The following NRXN1 variants were observed in gnomAD, a reference collection of about 807,000 sequenced individuals.
NRXN1 encodes the protein neurexin-1.
NRXN1 carries 39 observed loss-of-function variants against 150.9 expected under a neutral mutation model. The ratio of observed to expected loss-of-function variants is 0.26; its 90% CI spans 0.20 to 0.34. The LOEUF (loss-of-function observed/expected upper bound fraction) is 0.34. Among genes scored for constraint, NRXN1 ranks in the 10% least tolerant of loss-of-function variants. The pLI is 1.00. For synonymous variants in NRXN1, 924 were observed against 757.0 expected, an observed-to-expected ratio of 1.22 and a Z score of -3.62; for missense variants, 1,815 against 1,949.9, an observed-to-expected ratio of 0.93 and a Z score of 1.30.
chr2:50,070,757 G>A (rs1360395652), intron 19 of NRXN1, among the ~76,000 whole-genome samples: 9 of 118,182 alleles, frequency 7.6e-5, no homozygotes, highest in South Asian at 2.7e-4. Context: ...GCGACAGAGC[G>A]AGACTCCGTC....
chr2:50,580,999 G>A (rs1672179031), intron 8 of NRXN1, among the ~76,000 whole-genome samples: 1 of 152,040 alleles, frequency 6.6e-6, no homozygotes, highest in Non-Finnish European at 1.5e-5. Context: ...TCCTTTAAAA[G>A]TATTAAAAAA....
At chr2:50,801,029 CTAATT>C (rs1256699629) in intron 5 of NRXN1, among the ~76,000 whole-genome samples, 4 of 152,080 alleles carry the variant, frequency 2.6e-5, no homozygotes, top group Non-Finnish European at 5.9e-5. Flanking sequence ...TTCTATTAAA[CTAATT>C]TAATTGCATA....
intron 13 of NRXN1, among the ~76,000 whole-genome samples, chr2:50,498,867 T>C (rs1313633900): frequency 1.3e-5 from 2 of 152,152 alleles, no homozygotes; most frequent in Non-Finnish European, 2.9e-5. Flanking sequence ...ACGTGCTAGC[T>C]TCCCTGCCCG....
chr2:50,162,045 T>A (rs1298511962), intron 18 of NRXN1, among the ~76,000 whole-genome samples: 1 of 152,166 alleles, frequency 6.6e-6, no homozygotes, highest in South Asian at 2.1e-4. Context: ...CCACTTGATA[T>A]GAAAATTACC....
At chr2:50,854,434 T>C (rs78645899) in intron 5 of NRXN1, among the ~76,000 whole-genome samples, 6,658 of 152,042 alleles carry the variant, frequency 0.044, 509 homozygotes, top group African/African-American at 0.15. Context: ...AGAAGCTGAG[T>C]GTATTCATCT....
At chr2:50,921,961 T>A (rs1686108518) in intron 4 of NRXN1, 81 bp from the exon 5 acceptor site, 1 of 744,944 alleles carries the variant, frequency 1.3e-6, no homozygotes, top group African/African-American at 1.8e-5. Flanking sequence ...ACAATAAGTA[T>A]TATGAACATA....
chr2:50,090,888 G>C (rs1389923454), intron 19 of NRXN1, among the ~76,000 whole-genome samples: 1 of 151,992 alleles, frequency 6.6e-6, no homozygotes, highest in Admixed American at 6.6e-5. Context: ...ATGTGTTTCA[G>C]CTGTGCACTA....
At chr2:50,550,480 C>T (rs1416542262) in intron 9 of NRXN1, among the ~76,000 whole-genome samples, 1 of 151,934 alleles carries the variant, frequency 6.6e-6, no homozygotes, top group Non-Finnish European at 1.5e-5. Flanking sequence ...ATAACATCCA[C>T]AAGCTAATAT....
At chr2:50,251,747 G>A (rs1279841222) in intron 17 of NRXN1, among the ~76,000 whole-genome samples, 1 of 152,058 alleles carries the variant, frequency 6.6e-6, no homozygotes, top group East Asian at 1.9e-4. Context: ...GATAGTATAC[G>A]ATTGTGGTTT....
chr2:50,347,791 G>A lies in NRXN1; in HGVS notation c.3365-110821C>T, dbSNP rs2078148946. 1.0e-6 allele frequency: 1 copy of A among 986,556 alleles called. No individual in the cohort carries two copies. Among genetic ancestry groups the A allele is most frequent in the African/African-American group, 1.7e-5 (1 of 57,360 alleles). The allele number at this position is 986,556 out of a possible 1,614,324, so 61.1% of individuals were successfully genotyped here. On this transcript the variant is annotated intron_variant, in intron 17 of 22. Transcript: ENST00000401669. This position sits in a 1 kb window ranked among gnomAD's most constrained non-coding sequence, Gnocchi z 4.9. ...ACCACACACGCTGGTGAAGCAAGGGGCTCTATGCAAATCTGCAGTCTCCAA... is the reference window on the plus strand; with the variant it reads ...ACCACACACGCTGGTGAAGCAAGGGACTCTATGCAAATCTGCAGTCTCCAA...
At position 50,019,965 on chromosome 2, in the gene NRXN1, AAAAAAAAAG is replaced by A. The variant is rs1687294845; in HGVS notation, c.4128+33297_4128+33305del. The stretch of plus-strand genomic sequence containing the variant: ...TCCGTCTCAAAAAAAAAAAAAAAAA[AAAAAAAAAG>A]AGAGAGAGAGAGACCTAGGGAGCTA... On this transcript the variant is annotated intron_variant, in intron 21 of 22. Coordinates refer to ENST00000401669, the MANE Select transcript of NRXN1 (RefSeq NM_001330078.2). Among the ~76,000 whole-genome samples the A allele has an allele frequency of 2.6e-5, 3 of 117,354 alleles. 1 individual carries two copies. Among genetic ancestry groups the A allele is most frequent in the Admixed American group, 9.0e-5 (1 of 11,134 alleles). The allele number at this position is 117,354 out of a possible 152,430, so 77.0% of individuals were successfully genotyped here.
At chr2:50,330,881 C>G (rs1322345019) in intron 17 of NRXN1, among the ~76,000 whole-genome samples, 1 of 152,086 alleles carries the variant, frequency 6.6e-6, no homozygotes, top group East Asian at 1.9e-4. Context: ...AAATCTAGAG[C>G]TGGACATTTA....
intron 16 of NRXN1, among the ~76,000 whole-genome samples, chr2:50,471,105 T>A (rs772710647): frequency 1.3e-5 from 2 of 151,828 alleles, no homozygotes. Context: ...ATTTTACTTT[T>A]TTTTTAATTT....
At chr2:50,704,571 G>A (rs1694180159) in intron 5 of NRXN1, among the ~76,000 whole-genome samples, 1 of 151,196 alleles carries the variant, frequency 6.6e-6, no homozygotes, top group Admixed American at 6.6e-5. Flanking sequence ...TGTTATATGA[G>A]AAAATTAGGT....
chr2:50,490,916 A>C (rs1315694196), intron 15 of NRXN1, among the ~76,000 whole-genome samples: 1 of 152,072 alleles, frequency 6.6e-6, no homozygotes, highest in African/African-American at 2.4e-5. Flanking sequence ...TACAAATGGA[A>C]ATAGTGTTAA....
intron 5 of NRXN1, among the ~76,000 whole-genome samples, chr2:50,653,419 G>A (rs892474164): frequency 1.3e-5 from 2 of 151,970 alleles, no homozygotes; most frequent in African/African-American, 4.8e-5. Flanking sequence ...AGGTTTAGTT[G>A]CTGTGATTGA....
intron 21 of NRXN1, among the ~76,000 whole-genome samples, chr2:50,014,834 C>CA: frequency 6.6e-6 from 1 of 151,768 alleles, no homozygotes; most frequent in African/African-American, 2.4e-5. Context: ...CTAGCATAAA[C>CA]AAAAAAAGAA....
intron 5 of NRXN1, among the ~76,000 whole-genome samples, 174 bp from the exon 6 acceptor site, chr2:50,623,789 T>A (rs528404021): frequency 9.3e-4 from 142 of 152,240 alleles, no homozygotes; most frequent in Non-Finnish European, 1.4e-3. Flanking sequence ...TTTTAAAAAA[T>A]TTTATTATTA....
At chr2:50,863,473 C>G (rs1375236600) in intron 5 of NRXN1, among the ~76,000 whole-genome samples, 2 of 151,950 alleles carry the variant, frequency 1.3e-5, no homozygotes, top group Non-Finnish European at 2.9e-5. Context: ...GCTAGGGAAA[C>G]AAACCACAGT....
Sources: allele counts gnomAD v4.1 joint callset (sites outside exome capture counted in the v4.1 genomes callset), GRCh38; gene constraint gnomAD v4.1.1; non-coding constraint Gnocchi (gnomAD v3.1); transcripts MANE v1.5; gene names NCBI Gene and HGNC (gene_info 2026-07-23, HGNC 2026-07-21).